HDAC8: variants seen among roughly 807,000 people sequenced by gnomAD.
HDAC8 encodes the protein histone deacetylase 8.
Under a neutral mutation model 32.2 loss-of-function variants are expected in HDAC8, and 1 was observed. That is an observed-to-expected ratio of 0.03 (90% confidence interval 0.01 to 0.15). The LOEUF is 0.15. HDAC8 is among the 10% of genes least tolerant of loss of function. The pLI, the probability that HDAC8 is intolerant of heterozygous loss-of-function variation, is 1.00. For synonymous variants in HDAC8, 108 were observed against 113.9 expected (o/e 0.95, Z 0.33); for missense variants, 117 against 300.0 (o/e 0.39, Z 4.51).
At chrX:72,333,874 G>C (rs2043606112) in intron 10 of HDAC8, among the ~76,000 whole-genome samples, 1 of 110,762 alleles carries the variant, frequency 9.0e-6, no homozygotes, top group African/African-American at 3.3e-5. Context: ...CCTTCCATCT[G>C]TAAGTATAGC....
intron 9 of HDAC8, among the ~76,000 whole-genome samples, chrX:72,449,710 T>TA (rs1207625531): frequency 1.6e-4 from 18 of 109,561 alleles, no homozygotes; most frequent in East Asian, 5.7e-4. Context: ...CAGAATAGGT[T>TA]AAAAAAAAAC....
intron 9 of HDAC8, among the ~76,000 whole-genome samples, chrX:72,411,799 G>C (rs2046204130): frequency 8.9e-6 from 1 of 112,088 alleles, no homozygotes; most frequent in Admixed American, 9.4e-5. Flanking sequence ...CAGACAGTAA[G>C]AGGACTCATG....
chrX:72,537,301 T>C (rs17302473), intron 4 of HDAC8, among the ~76,000 whole-genome samples: 7 of 112,077 alleles, frequency 6.2e-5, no homozygotes, highest in Non-Finnish European at 1.1e-4. Flanking sequence ...TATTCCAAAG[T>C]TGCCATCTAA....
At chrX:72,525,670 C>T (rs1018283843) in intron 4 of HDAC8, among the ~76,000 whole-genome samples, 4 of 107,973 alleles carry the variant, frequency 3.7e-5, no homozygotes, top group Non-Finnish European at 5.8e-5. Flanking sequence ...AAAAATTAGC[C>T]GGGCGTTGTG....
At chrX:72,552,408 C>T (rs1009480277) in intron 4 of HDAC8, among the ~76,000 whole-genome samples, 3 of 111,605 alleles carry the variant, frequency 2.7e-5, no homozygotes, top group Admixed American at 1.9e-4. Context: ...GTCAGGAGTT[C>T]GAGACCAGCC....
intron 9 of HDAC8, among the ~76,000 whole-genome samples, chrX:72,451,079 C>T: frequency 9.0e-6 from 1 of 111,524 alleles, no homozygotes; most frequent in East Asian, 2.8e-4. Flanking sequence ...AAAGTGATAC[C>T]CAACCTGTAT....
intron 9 of HDAC8, among the ~76,000 whole-genome samples, chrX:72,398,521 G>C (rs181031966): frequency 9.4e-6 from 1 of 106,413 alleles, no homozygotes; most frequent in African/African-American, 3.4e-5. Flanking sequence ...TTTTCTTAGA[G>C]ATGAGGTTTC....
At chrX:72,403,940 G>A (rs902070160) in intron 9 of HDAC8, among the ~76,000 whole-genome samples, 2 of 109,395 alleles carry the variant, frequency 1.8e-5, no homozygotes, top group African/African-American at 3.3e-5. Context: ...AATATATCCA[G>A]GTAACAAACC....
chrX:72,332,866 G>A (rs945871387), intron 10 of HDAC8, among the ~76,000 whole-genome samples: 1 of 110,140 alleles, frequency 9.1e-6, no homozygotes, highest in Admixed American at 9.7e-5. Flanking sequence ...TGGCCAAGCT[G>A]GTCTCAAACT....
intron 9 of HDAC8, among the ~76,000 whole-genome samples, chrX:72,397,814 T>C (rs1223384548): frequency 6.2e-5 from 7 of 112,579 alleles, no homozygotes; most frequent in African/African-American, 2.3e-4. Context: ...CACATTGTTA[T>C]TGGCATCAGT....
rs782529159 is a variant in HDAC8 at position 72,538,372 on chromosome X, C to T, written c.437+29517G>A. Reference sequence around the variant, plus strand: ...TTAATTTTTTAATTTTTAGTAGAGACGGGGTTTTGCCATGTTGGCCAGGCT... The same window carrying T: ...TTAATTTTTTAATTTTTAGTAGAGATGGGGTTTTGCCATGTTGGCCAGGCT... On this transcript the variant is annotated intron_variant, in intron 4 of 10. Transcript: ENST00000373573. Among the ~76,000 whole-genome samples the T allele has an allele frequency of 1.9e-4, 21 of 109,557 alleles. No individual in the cohort carries two copies. In the South Asian group the frequency reaches 8.3e-3, roughly 43 times the overall value.
At chrX:72,539,981 C>A (rs2147452671) in intron 4 of HDAC8, among the ~76,000 whole-genome samples, 1 of 112,259 alleles carries the variant, frequency 8.9e-6, no homozygotes, top group African/African-American at 3.2e-5. Context: ...AGAGGAACCG[C>A]ATCCTTCAGC....
At chrX:72,514,450 T>G (rs2049714060) in intron 4 of HDAC8, among the ~76,000 whole-genome samples, 1 of 112,261 alleles carries the variant, frequency 8.9e-6, no homozygotes, top group African/African-American at 3.2e-5. Flanking sequence ...TCCTGGTCAC[T>G]GTGCATGTTC....
At chrX:72,480,530 T>C in intron 7 of HDAC8, 1 of 286,740 alleles carries the variant, frequency 3.5e-6, no homozygotes, top group South Asian at 3.3e-5. Context: ...AGAAATACCA[T>C]CTGACCCAGC....
chrX:72,470,574 A>G (rs1461399404), intron 7 of HDAC8, among the ~76,000 whole-genome samples: 1 of 111,446 alleles, frequency 9.0e-6, no homozygotes, highest in Non-Finnish European at 1.9e-5. Context: ...TCGCCCATCT[A>G]TCCCTCCCTT....
intron 7 of HDAC8, among the ~76,000 whole-genome samples, chrX:72,481,318 GGGATTACAATTT>G (rs2148098799): frequency 9.0e-6 from 1 of 111,043 alleles, no homozygotes; most frequent in African/African-American, 3.3e-5. Context: ...CCAAAACGTG[GGGATTACAATTT>G]GGATTACAAT....
At chrX:72,501,209 A>G (rs1336877552) in intron 4 of HDAC8, among the ~76,000 whole-genome samples, 1 of 112,217 alleles carries the variant, frequency 8.9e-6, no homozygotes, top group Non-Finnish European at 1.9e-5. Flanking sequence ...GGCAACTTAC[A>G]GATTCAATGC....
chrX:72,522,880 C>T (rs1016244008), intron 4 of HDAC8, among the ~76,000 whole-genome samples: 1 of 112,194 alleles, frequency 8.9e-6, no homozygotes, highest in Non-Finnish European at 1.9e-5. Context: ...GGAGACAATG[C>T]TACCCTGCTG....
intron 9 of HDAC8, among the ~76,000 whole-genome samples, chrX:72,434,038 T>C (rs1480606470): frequency 8.9e-6 from 1 of 112,700 alleles, no homozygotes; most frequent in Admixed American, 9.4e-5. Context: ...TGTGGCACAA[T>C]GTCTGGCAGC....
Sources: allele counts gnomAD v4.1 joint callset (sites outside exome capture counted in the v4.1 genomes callset), GRCh38; gene constraint gnomAD v4.1.1; transcripts MANE v1.5; gene names NCBI Gene and HGNC (gene_info 2026-07-23, HGNC 2026-07-21).